PCDHA11: variants seen among roughly 807,000 people sequenced by gnomAD.
The protein encoded by PCDHA11 is protocadherin alpha 11, also known as protocadherin alpha-11.
A neutral mutation model predicts 70.3 loss-of-function variants in PCDHA11; 61 were observed. That is an observed-to-expected ratio of 0.87 (90% CI 0.71 to 1.07). The LOEUF (loss-of-function observed/expected upper bound fraction) is 1.07, where lower values mean the gene tolerates loss of function less well. Ranked by LOEUF, PCDHA11 falls within the 50% of genes least tolerant of loss-of-function variation. The pLI is 0.00. For missense variants in PCDHA11, 1,324 were observed against 1,237.5 expected (o/e 1.07, Z -1.05); for synonymous variants, 633 against 555.1 (o/e 1.14, Z -1.97).
chr5:140,975,868 C>T (rs553871611), intron 1 of PCDHA11, among the ~76,000 whole-genome samples: 2 of 152,222 alleles, frequency 1.3e-5, no homozygotes, highest in East Asian at 3.9e-4. Flanking sequence ...ATATGGACTA[C>T]CTAATTGATT....
chr5:140,882,868 G>A (rs1283664390), intron 1 of PCDHA11: 25 of 1,614,184 alleles, frequency 1.5e-5, no homozygotes, highest in Middle Eastern at 1.6e-4. Context: ...GGAAAACACT[G>A]GACAGAGAGG....
Position 140,918,319 on chromosome 5 carries a change from A to T in PCDHA11, c.2391+46825A>T, listed in dbSNP as rs568659309. Among the ~76,000 whole-genome samples, 8 of 152,266 alleles carry T rather than the reference A, an allele frequency of 5.3e-5. No individual in the cohort carries two copies. In the South Asian group the frequency reaches 1.7e-3, roughly 32 times the overall value. ...GAATATAGGGTTTTCTAGGTATAAAATTATATTGTCTGCTAAGAGAGATAG... is the reference window on the plus strand; with the variant it reads ...GAATATAGGGTTTTCTAGGTATAAATTTATATTGTCTGCTAAGAGAGATAG... On this transcript the variant is annotated intron_variant, in intron 1 of 3. Coordinates refer to ENST00000398640, the MANE Select transcript of PCDHA11 (RefSeq NM_018902.5).
At chr5:140,967,219 C>A (rs782211026) in intron 1 of PCDHA11, 2 of 1,613,772 alleles carry the variant, frequency 1.2e-6, no homozygotes, top group East Asian at 2.2e-5. Context: ...TCCCGCGGCC[C>A]AACTACCAGC....
chr5:140,975,461 G>A (rs2096668419), intron 1 of PCDHA11, among the ~76,000 whole-genome samples: 1 of 152,196 alleles, frequency 6.6e-6, no homozygotes, highest in Non-Finnish European at 1.5e-5. Context: ...GGCCATCTTG[G>A]AATTCTGCCT....
chr5:140,942,545 G>T (rs981508818), intron 1 of PCDHA11, among the ~76,000 whole-genome samples: 1 of 151,970 alleles, frequency 6.6e-6, no homozygotes, highest in Non-Finnish European at 1.5e-5. Flanking sequence ...ATGGTGGGGG[G>T]TAGGGGGTTG....
chr5:140,881,232 C>A, intron 1 of PCDHA11: 2 of 318,074 alleles, frequency 6.3e-6, no homozygotes, highest in Non-Finnish European at 9.1e-6. Context: ...AAATTAAAGT[C>A]AATTTAAATG....
At chr5:140,913,749 G>T (rs1166280044) in intron 1 of PCDHA11, among the ~76,000 whole-genome samples, 22 of 152,098 alleles carry the variant, frequency 1.4e-4, no homozygotes, top group Middle Eastern at 3.4e-3. Context: ...TCCTTTTGTT[G>T]TATCTCATAG....
intron 1 of PCDHA11, among the ~76,000 whole-genome samples, chr5:140,913,960 TA>T (rs201352444): frequency 2.0e-5 from 3 of 152,168 alleles, no homozygotes; most frequent in Non-Finnish European, 2.9e-5. Context: ...ATATCATTTT[TA>T]AAAAAATATT....
At chr5:140,939,351 T>C (rs918440257) in intron 1 of PCDHA11, among the ~76,000 whole-genome samples, 2 of 152,140 alleles carry the variant, frequency 1.3e-5, no homozygotes, top group Non-Finnish European at 1.5e-5. Flanking sequence ...TTTCAACTTA[T>C]GATTGCAAAG....
At chr5:140,988,672 G>A (rs1269904309) in intron 3 of PCDHA11, among the ~76,000 whole-genome samples, 1 of 152,180 alleles carries the variant, frequency 6.6e-6, no homozygotes, top group Non-Finnish European at 1.5e-5. Context: ...TAGACTCTAA[G>A]ATAATTCTTT....
intron 3 of PCDHA11, among the ~76,000 whole-genome samples, chr5:141,005,619 G>A (rs996010701): frequency 6.8e-5 from 10 of 146,082 alleles, no homozygotes; most frequent in South Asian, 2.2e-4. Flanking sequence ...GGAGAATGGC[G>A]TGAACCCGGG....
chr5:140,967,495 C>G, intron 1 of PCDHA11: 1 of 1,613,306 alleles, frequency 6.2e-7, no homozygotes. Flanking sequence ...CGGCACAGAT[C>G]TCTGTGCGTG....
At chr5:140,966,626 C>T in intron 1 of PCDHA11, 9 of 925,184 alleles carry the variant, frequency 9.7e-6, no homozygotes, top group South Asian at 9.6e-5. Flanking sequence ...GAGGGAGCGG[C>T]CCCAGGCGCT....
At chr5:140,941,313 C>T (rs1585057947) in intron 1 of PCDHA11, among the ~76,000 whole-genome samples, 2 of 104,888 alleles carry the variant, frequency 1.9e-5, no homozygotes, top group Non-Finnish European at 4.0e-5. Context: ...TCTTTTTCTT[C>T]TTTCTCTTTT....
intron 1 of PCDHA11, among the ~76,000 whole-genome samples, chr5:140,892,929 C>T (rs1259333006): frequency 2.6e-5 from 4 of 152,174 alleles, no homozygotes; most frequent in Non-Finnish European, 5.9e-5. Flanking sequence ...TTCCCAGCCT[C>T]TGATAAGCAC....
intron 1 of PCDHA11, among the ~76,000 whole-genome samples, chr5:140,916,434 C>T (rs1554197442): frequency 1.3e-5 from 2 of 152,184 alleles, no homozygotes; most frequent in Non-Finnish European, 2.9e-5. Context: ...AACCTAAGGC[C>T]CACAGTATAC....
In PCDHA11 at chr5:140,869,439, G is replaced by A. The variant is rs1554163055; in HGVS notation, c.336G>A (p.Arg112=). 1 of 1,614,212 alleles carries A rather than the reference G, an allele frequency of 6.2e-7. No homozygotes were observed. ...TCCACCTGGAGGTGATCGTGGACAG[G>A]CCGCTGCAGGTTTTCCATGTGAACG... ...CSIHLEVIVD[R]PLQVFHVNVE... Residue 112 remains arginine, a synonymous_variant, in exon 1 of 4, where the codon AGG becomes AGA. Transcript: ENST00000398640.
intron 1 of PCDHA11, among the ~76,000 whole-genome samples, chr5:140,919,536 C>A (rs1554199151): frequency 6.6e-6 from 1 of 151,864 alleles, no homozygotes; most frequent in Admixed American, 6.6e-5. Context: ...TTTTCCTATA[C>A]TTTTCATTTA....
intron 1 of PCDHA11, among the ~76,000 whole-genome samples, chr5:140,948,503 A>G (rs949915439): frequency 1.4e-4 from 22 of 151,736 alleles, no homozygotes; most frequent in Middle Eastern, 3.4e-3. Flanking sequence ...TAGACTTTCT[A>G]TTAAAAATGT....
Sources: allele counts gnomAD v4.1 joint callset (sites outside exome capture counted in the v4.1 genomes callset), GRCh38; gene constraint gnomAD v4.1.1; transcripts MANE v1.5; gene names NCBI Gene and HGNC (gene_info 2026-07-23, HGNC 2026-07-21).